Variants in BNIP2 observed in about 807,000 individuals in gnomAD.
BNIP2 encodes the protein BCL2/adenovirus E1B 19 kDa protein-interacting protein 2.
BNIP2 carries 36 observed loss-of-function variants against 43.4 expected under a neutral mutation model. The ratio of observed to expected loss-of-function variants is 0.83; its 90% CI spans 0.64 to 1.10. The LOEUF (loss-of-function observed/expected upper bound fraction) is 1.10. Ranked by LOEUF, BNIP2 falls within the 50% of genes least tolerant of loss-of-function variation. The pLI is 0.00. For missense variants in BNIP2, 417 were observed against 374.1 expected, an observed-to-expected ratio of 1.11 and a Z score of -0.95; for synonymous variants, 146 against 121.0, an observed-to-expected ratio of 1.21 and a Z score of -1.35.
In BNIP2 at chr15:59,680,335, T is replaced by A. The variant is rs548981943; in HGVS notation, c.51-27A>T. 2.2e-5 allele frequency: 34 copies of A among 1,547,434 alleles called. No individual in the cohort carries two copies. In the South Asian group the frequency reaches 4.0e-4, roughly 18 times the overall value. On this transcript the variant is annotated intron_variant, in intron 2 of 9. Coordinates refer to ENST00000607373, the MANE Select transcript of BNIP2 (RefSeq NM_004330.4). ...TAGAAGACACAGGCATACTTTTTAA[T>A]CCAGAAATTAAGAAAGAATTTTTTT...
rs1364969547 is a variant in BNIP2, at chr15:59,663,204, T to A, written c.*865A>T. On this transcript the variant is annotated 3_prime_UTR_variant, in exon 10 of 10. Coordinates refer to ENST00000607373, the MANE Select transcript of BNIP2 (RefSeq NM_004330.4). Reference sequence around the variant, plus strand: ...TCTGCAATACTACTCAGCACTCATATACACTCAGGGGAGCAATACCCTGGA... The same window carrying A: ...TCTGCAATACTACTCAGCACTCATAAACACTCAGGGGAGCAATACCCTGGA... The A allele has an allele frequency of 6.6e-6, 1 of 152,614 alleles. No individual in the cohort carries two copies. The highest frequency in any genetic ancestry group is 1.5e-5 in the Non-Finnish European group (1 of 68,044). The allele number at this position is 152,614 out of a possible 1,614,324, so 9.5% of individuals were successfully genotyped here.
chr15:59,668,760 A>T, intron 9 of BNIP2, 132 bp downstream of exon 9: 1 of 708,298 alleles, frequency 1.4e-6, no homozygotes, highest in Non-Finnish European at 2.2e-6. Flanking sequence ...TCTTTGTTAC[A>T]CACACACACA....
chr15:59,678,761 G>A (rs935019516), intron 4 of BNIP2: 4 of 1,294,334 alleles, frequency 3.1e-6, no homozygotes, highest in South Asian at 1.3e-5. Flanking sequence ...AAGATGGGGG[G>A]AGGGGGAAAC....
chr15:59,669,162 T>C, intron 8 of BNIP2, 114 bp downstream of exon 8: 2 of 1,003,792 alleles, frequency 2.0e-6, no homozygotes, highest in South Asian at 1.6e-5. Context: ...ATACAATGTA[T>C]ACACATATCA....
At chr15:59,681,843 A>C (rs1893695611) in intron 2 of BNIP2, among the ~76,000 whole-genome samples, 1 of 152,182 alleles carries the variant, frequency 6.6e-6, no homozygotes, top group Non-Finnish European at 1.5e-5. Context: ...AAAACAAAAC[A>C]AACAAACCAC....
At chr15:59,667,242 AAAGTT>A (rs749936959) in intron 9 of BNIP2, among the ~76,000 whole-genome samples, 2 of 152,234 alleles carry the variant, frequency 1.3e-5, no homozygotes, top group African/African-American at 4.8e-5. Context: ...AAATGTGTTC[AAAGTT>A]AAGAATGTTC....
At chr15:59,684,582 G>T (rs6151462) in intron 1 of BNIP2, among the ~76,000 whole-genome samples, 50,193 of 152,008 alleles carry the variant, frequency 0.33, 8,623 homozygotes, top group East Asian at 0.54. Flanking sequence ...ACCAAAGCAT[G>T]CTATGACTAA....
At chr15:59,665,386 C>T (rs8040114) in intron 9 of BNIP2, 88,458 of 152,280 alleles carry the variant, frequency 0.58, 26,332 homozygotes, top group Middle Eastern at 0.66. Flanking sequence ...CCGAGGCGGG[C>T]GGACTGCTTG....
intron 9 of BNIP2, 126 bp from the exon 10 acceptor site, chr15:59,664,246 A>G: frequency 1.9e-6 from 1 of 530,824 alleles, no homozygotes; most frequent in Non-Finnish European, 3.1e-6. Context: ...AAGCAGACAT[A>G]GTAAAAACAG....
Position 59,687,807 on chromosome 15 carries a change from A to G in BNIP2, c.-58+1328T>C, listed in dbSNP as rs191675054. Among the ~76,000 whole-genome samples the G allele has an allele frequency of 5.1e-4, 77 of 152,262 alleles. 1 individual carries two copies. The highest frequency in any genetic ancestry group is 1.8e-3 in the African/African-American group (75 of 41,530). The stretch of plus-strand genomic sequence containing the variant: ...TTTACTAACCACTTTTACATCCATC[A>G]TCTCATGTTCCAACCAGCAACTTTG... On this transcript the variant is annotated intron_variant, in intron 1 of 9. Transcript: ENST00000607373.
At chr15:59,666,538 G>C (rs771157888) in intron 9 of BNIP2, among the ~76,000 whole-genome samples, 3 of 152,030 alleles carry the variant, frequency 2.0e-5, no homozygotes, top group Non-Finnish European at 4.4e-5. Flanking sequence ...ATGGTGGTGG[G>C]TGCCTGTAAT....
chr15:59,668,277 A>T, intron 9 of BNIP2: 1 of 405,900 alleles, frequency 2.5e-6, no homozygotes, highest in Non-Finnish European at 4.4e-6. Context: ...GAAAGTAAAA[A>T]TTTACTTAAT....
Position 59,662,238 on chromosome 15 carries a change from G to A in BNIP2, c.*1831C>T, listed in dbSNP as rs918610445. On this transcript the variant is annotated 3_prime_UTR_variant, in exon 10 of 10. Coordinates refer to ENST00000607373, the MANE Select transcript of BNIP2 (RefSeq NM_004330.4). Reference sequence around the variant, plus strand: ...TACAGATGAAAGACTACGTTAAATCGTCTACAAATATAGAATCTAATGACA... The same window carrying A: ...TACAGATGAAAGACTACGTTAAATCATCTACAAATATAGAATCTAATGACA... 4 of 152,148 alleles carry A rather than the reference G, an allele frequency of 2.6e-5. No individual in the cohort carries two copies. The highest frequency in any genetic ancestry group is 5.9e-5 in the Non-Finnish European group (4 of 68,026). The allele number at this position is 152,148 out of a possible 1,614,324, so 9.4% of individuals were successfully genotyped here.
At chr15:59,666,416 C>T (rs1461015418) in intron 9 of BNIP2, among the ~76,000 whole-genome samples, 4 of 152,086 alleles carry the variant, frequency 2.6e-5, no homozygotes, top group Non-Finnish European at 5.9e-5. Context: ...CCTGTAATCC[C>T]AGCACTTTGG....
At chr15:59,680,353 A>G (rs1291288446) in intron 2 of BNIP2, 45 bp from the exon 3 acceptor site, 6 of 1,458,276 alleles carry the variant, frequency 4.1e-6, no homozygotes, top group Non-Finnish European at 5.5e-6. Flanking sequence ...TTAAGAAAGA[A>G]TTTTTTTTTG....
At position 59,689,254 on chromosome 15, in the gene BNIP2, A is replaced by T; in HGVS notation, c.-177T>A. 2.6e-6 allele frequency: 4 copies of T among 1,543,952 alleles called. No homozygotes were observed. The highest frequency in any genetic ancestry group is 3.5e-6 in the Non-Finnish European group (4 of 1,146,262). On this transcript the variant is annotated 5_prime_UTR_variant, in exon 1 of 10. Coordinates refer to ENST00000607373, the MANE Select transcript of BNIP2 (RefSeq NM_004330.4). ...GCCCGCTCCCCTCGGTCGGCGGTGG[A>T]GACCCCGGCCCAATCCCCCGGCCGC...
intron 4 of BNIP2, 105 bp from the exon 5 acceptor site, chr15:59,678,192 C>A: frequency 7.0e-7 from 1 of 1,426,980 alleles, no homozygotes; most frequent in Non-Finnish European, 9.1e-7. Context: ...TTTCATTATA[C>A]CATCTGCACA....
At position 59,689,204 on chromosome 15, in the gene BNIP2, G is replaced by C; in HGVS notation, c.-127C>G. 2 of 1,540,192 alleles carry C rather than the reference G, an allele frequency of 1.3e-6. No individual in the cohort carries two copies. Among genetic ancestry groups the C allele is most frequent in the Non-Finnish European group, 1.7e-6 (2 of 1,146,480 alleles). On this transcript the variant is annotated 5_prime_UTR_variant, in exon 1 of 10. Transcript: ENST00000607373. ...CCGGCGACGTGGGGCTGACGGCCAG[G>C]TCGCAAAAAGCAGGGCCGAGCGGAG...
intron 4 of BNIP2, 29 bp downstream of exon 4, chr15:59,679,563 G>T (rs374374811): frequency 1.3e-6 from 2 of 1,595,008 alleles, no homozygotes; most frequent in South Asian, 1.1e-5. Flanking sequence ...CATTAATAAA[G>T]ATCAGATTAA....
Sources: allele counts gnomAD v4.1 joint callset (sites outside exome capture counted in the v4.1 genomes callset), GRCh38; gene constraint gnomAD v4.1.1; transcripts MANE v1.5; gene names NCBI Gene and HGNC (gene_info 2026-07-23, HGNC 2026-07-21).